SEMA6D: variants seen among roughly 807,000 people sequenced by gnomAD.
SEMA6D encodes the protein semaphorin 6D.
Under a neutral mutation model 106.6 loss-of-function variants are expected in SEMA6D, and 35 were observed. That is an observed-to-expected ratio of 0.33 (90% CI 0.25 to 0.44). The LOEUF is 0.44. SEMA6D is among the 20% of genes least tolerant of loss of function. The pLI is 1.00. For synonymous variants in SEMA6D, 499 were observed against 487.7 expected, an observed-to-expected ratio of 1.02 and a Z score of -0.31; for missense variants, 1,185 against 1,345.9, an observed-to-expected ratio of 0.88 and a Z score of 1.87.
intron 1 of SEMA6D, among the ~76,000 whole-genome samples, chr15:47,262,218 C>T (rs2034108222): frequency 6.6e-6 from 1 of 152,076 alleles, no homozygotes; most frequent in Non-Finnish European, 1.5e-5. Flanking sequence ...ATTTCATGCC[C>T]ATGCATAGGA....
At chr15:47,767,274 C>A in intron 17 of SEMA6D, 181 bp downstream of exon 17, 1 of 477,832 alleles carries the variant, frequency 2.1e-6, no homozygotes. Flanking sequence ...TTGTTTATAG[C>A]ATGTTAACAC....
chr15:47,366,698 T>A (rs1428251018), intron 1 of SEMA6D, among the ~76,000 whole-genome samples: 1 of 152,148 alleles, frequency 6.6e-6, no homozygotes, highest in East Asian at 1.9e-4. Context: ...GGAATGTTTG[T>A]GTAAAAAGAC....
At chr15:47,514,450 C>T (rs1275333134) in intron 3 of SEMA6D, among the ~76,000 whole-genome samples, 1 of 152,182 alleles carries the variant, frequency 6.6e-6, no homozygotes, top group Admixed American at 6.5e-5. Context: ...CAAATGAAAA[C>T]TCCTAACCTA....
At chr15:47,661,989 G>A (rs370198861) in intron 4 of SEMA6D, among the ~76,000 whole-genome samples, 15 of 152,092 alleles carry the variant, frequency 9.9e-5, no homozygotes, top group South Asian at 2.1e-4. Context: ...CTTCCCAGCC[G>A]GTTGTTACAG....
Position 47,766,615 on chromosome 15 carries a change from G to A in SEMA6D, c.1647-1G>A, listed in dbSNP as rs1181806657. 6.2e-7 allele frequency: 1 copy of A among 1,612,738 alleles called. No individual in the cohort carries two copies. Among genetic ancestry groups the A allele is most frequent in the South Asian group, 1.1e-5 (1 of 90,984 alleles). ...GACTTCTTTGCTTTCCATAACCACAGTGCTGAAGGATATGAACAAGACACA... is the reference window on the plus strand; with the variant it reads ...GACTTCTTTGCTTTCCATAACCACAATGCTGAAGGATATGAACAAGACACA... On this transcript the variant is annotated splice_acceptor_variant, in intron 15 of 18. Coordinates refer to ENST00000536845, the MANE Select transcript of SEMA6D (RefSeq NM_001358351.3). LOFTEE classifies it high-confidence loss of function.
At chr15:47,357,227 G>A (rs956113319) in intron 1 of SEMA6D, among the ~76,000 whole-genome samples, 74 of 152,070 alleles carry the variant, frequency 4.9e-4, no homozygotes, top group East Asian at 3.9e-4. Flanking sequence ...CCAGCTACTC[G>A]GGAGGCTGAG....
At chr15:47,479,790 G>T (rs1004756498) in intron 3 of SEMA6D, among the ~76,000 whole-genome samples, 1 of 151,500 alleles carries the variant, frequency 6.6e-6, no homozygotes, top group Non-Finnish European at 1.5e-5. Context: ...CACATCTACA[G>T]ACAAATGTAA....
intron 1 of SEMA6D, among the ~76,000 whole-genome samples, chr15:47,311,825 GA>G (rs2036459106): frequency 6.6e-6 from 1 of 152,116 alleles, no homozygotes; most frequent in Non-Finnish European, 1.5e-5. Flanking sequence ...GTGTCTACAT[GA>G]GGCAAACCAA....
chr15:47,513,181 C>T (rs1158628380), intron 3 of SEMA6D, among the ~76,000 whole-genome samples: 1 of 151,148 alleles, frequency 6.6e-6, no homozygotes. Flanking sequence ...CAGTCTTCTC[C>T]CTTGAAAAAA....
intron 1 of SEMA6D, among the ~76,000 whole-genome samples, chr15:47,339,715 C>T (rs1053448454): frequency 1.4e-4 from 21 of 152,028 alleles, no homozygotes; most frequent in African/African-American, 4.3e-4. Flanking sequence ...AAAAATTAGC[C>T]GGGTGTGGTG....
intron 4 of SEMA6D, among the ~76,000 whole-genome samples, chr15:47,619,529 G>A (rs898910077): frequency 1.3e-5 from 2 of 152,136 alleles, no homozygotes; most frequent in African/African-American, 4.8e-5. Flanking sequence ...TTTCTTTTTA[G>A]CAGTGTTCCT....
intron 2 of SEMA6D, among the ~76,000 whole-genome samples, chr15:47,449,618 G>A (rs1030575581): frequency 6.6e-6 from 1 of 152,008 alleles, no homozygotes; most frequent in Non-Finnish European, 1.5e-5. Flanking sequence ...AGTATCCCGA[G>A]CTTCTCACCA....
At chr15:47,263,289 A>G (rs1222967185) in intron 1 of SEMA6D, among the ~76,000 whole-genome samples, 1 of 152,198 alleles carries the variant, frequency 6.6e-6, no homozygotes, top group African/African-American at 2.4e-5. Context: ...AATGTTTGCA[A>G]ACTATGCATC....
intron 3 of SEMA6D, among the ~76,000 whole-genome samples, chr15:47,480,074 T>C (rs944614310): frequency 2.0e-5 from 3 of 151,558 alleles, no homozygotes; most frequent in Non-Finnish European, 4.4e-5. Flanking sequence ...CCTAGCCTAG[T>C]CTTGAACCCC....
At chr15:47,364,172 C>G (rs1354068452) in intron 1 of SEMA6D, among the ~76,000 whole-genome samples, 3 of 152,156 alleles carry the variant, frequency 2.0e-5, no homozygotes, top group Non-Finnish European at 2.9e-5. Context: ...AGTGCATGTT[C>G]ATCGTATTAA....
chr15:47,429,513 T>C lies in SEMA6D; in HGVS notation c.-159+17041T>C, dbSNP rs527249005. Among the ~76,000 whole-genome samples, 8 of 152,230 alleles carry C rather than the reference T, an allele frequency of 5.3e-5. No homozygotes were observed. The East Asian group carries it at 9.7e-4, about 18-fold the overall frequency. On this transcript the variant is annotated intron_variant, in intron 2 of 19. Transcript: ENST00000558014. ...TATCTGACTTAGGTTTGCAATATCT[T>C]TGAGCGTATTGTGTTATCACCCTAT...
chr15:47,768,097 G>T (rs1321375027), intron 17 of SEMA6D, among the ~76,000 whole-genome samples: 3 of 152,120 alleles, frequency 2.0e-5, no homozygotes, highest in Non-Finnish European at 4.4e-5. Context: ...GAGCTGGTTT[G>T]TCACGTCCAA....
At chr15:47,395,376 A>G (rs960596831) in intron 1 of SEMA6D, among the ~76,000 whole-genome samples, 12 of 152,216 alleles carry the variant, frequency 7.9e-5, no homozygotes, top group African/African-American at 2.9e-4. Flanking sequence ...GAAATAGTCT[A>G]ATCCTATGGA....
intron 4 of SEMA6D, among the ~76,000 whole-genome samples, chr15:47,629,881 TATTCTTTTTTATG>T (rs2077264196): frequency 6.6e-6 from 1 of 151,958 alleles, no homozygotes; most frequent in South Asian, 2.1e-4. Flanking sequence ...GACATGATTT[TATTCTTTTTTATG>T]GATGAATAGT....
Sources: gnomAD v4.1 joint callset for allele counts (sites outside exome capture counted in the v4.1 genomes callset) on GRCh38, gnomAD v4.1.1 for gene constraint, MANE v1.5 for transcripts, NCBI Gene and HGNC (gene_info 2026-07-23, HGNC 2026-07-21) for gene names.